FBXO21: variants seen among roughly 807,000 people sequenced by gnomAD.
FBXO21 encodes F-box protein 21, also known as F-box only protein 21.
A neutral mutation model predicts 76.6 loss-of-function variants in FBXO21; 32 were observed. The ratio of observed to expected loss-of-function variants is 0.42; its 90% CI spans 0.32 to 0.56. FBXO21 has a LOEUF of 0.56. Among genes scored for constraint, FBXO21 ranks in the 20% least tolerant of loss-of-function variants. The pLI, the probability that FBXO21 is intolerant of heterozygous loss-of-function variation, is 0.16. For synonymous variants in FBXO21, 328 were observed against 311.5 expected (o/e 1.05, Z -0.56); for missense variants, 586 against 797.3 (o/e 0.73, Z 3.19).
intron 10 of FBXO21, among the ~76,000 whole-genome samples, chr12:117,157,566 G>A (rs192826478): frequency 2.5e-4 from 38 of 152,278 alleles, no homozygotes; most frequent in South Asian, 1.2e-3. Context: ...GAAAAAACTC[G>A]TGTCTTACAA....
At chr12:117,179,400 C>T (rs1204324573) in intron 3 of FBXO21, among the ~76,000 whole-genome samples, 3 of 152,296 alleles carry the variant, frequency 2.0e-5, no homozygotes, top group East Asian at 1.9e-4. Context: ...CCTAAACAGG[C>T]GAGTCTGTTT....
intron 10 of FBXO21, among the ~76,000 whole-genome samples, chr12:117,157,338 C>T (rs1955928400): frequency 6.6e-6 from 1 of 152,170 alleles, no homozygotes; most frequent in South Asian, 2.1e-4. Context: ...CACAGTGAAA[C>T]ACTATTTGCC....
rs907248609 is a variant in FBXO21 at position 117,145,031 on chromosome 12, C to T, written c.*1056G>A. 1 of 150,338 alleles carries T rather than the reference C, an allele frequency of 6.7e-6. No individual in the cohort carries two copies. The allele number at this position is 150,338 out of a possible 1,614,324, so 9.3% of individuals were successfully genotyped here. A position where few individuals can be genotyped will look rare whatever the true frequency, so the allele number is the denominator to read the frequency against. ...GCCTTGAAGTGACTCTAAGGAATAACAAGAGGTGTGAAACCACTTTTTTTC... is the reference window on the plus strand; with the variant it reads ...GCCTTGAAGTGACTCTAAGGAATAATAAGAGGTGTGAAACCACTTTTTTTC... On this transcript the variant is annotated 3_prime_UTR_variant, in exon 12 of 12. Transcript: ENST00000622495.
Position 117,158,000 on chromosome 12 carries a change from G to A in FBXO21, c.1390C>T (p.Leu464=), listed in dbSNP as rs1312072116. 1.9e-6 allele frequency: 3 copies of A among 1,614,240 alleles called. No individual in the cohort carries two copies. The Admixed American group carries it at 5.0e-5, about 27-fold the overall frequency. The change falls in exon 10 of 12, where the codon CTG becomes TTG. Residue 464 remains leucine, a synonymous_variant. Transcript: ENST00000622495. Reference sequence around the variant, plus strand: ...ATGTGCTCTAGAGTGTGCTGCACCAGGTAGCCCACCGCCCCGTGCTGCCCC... The same window carrying A: ...ATGTGCTCTAGAGTGTGCTGCACCAAGTAGCCCACCGCCCCGTGCTGCCCC... The part of the protein sequence containing the change: ...DPGQHGAVGY[L]VQHTLEHIER...
At chr12:117,173,379 G>C (rs1380322476) in intron 6 of FBXO21, among the ~76,000 whole-genome samples, 1 of 152,204 alleles carries the variant, frequency 6.6e-6, no homozygotes, top group Non-Finnish European at 1.5e-5. Context: ...AGTTGGTCAA[G>C]CCCTGATTTA....
intron 3 of FBXO21, among the ~76,000 whole-genome samples, chr12:117,179,656 T>C (rs1956209352): frequency 1.3e-5 from 2 of 152,244 alleles, no homozygotes; most frequent in Non-Finnish European, 2.9e-5. Context: ...TAGAAGGTAG[T>C]GCATTCTCCC....
At chr12:117,187,691 A>C (rs2135890178) in intron 2 of FBXO21, among the ~76,000 whole-genome samples, 1 of 152,330 alleles carries the variant, frequency 6.6e-6, no homozygotes, top group South Asian at 2.1e-4. Flanking sequence ...ACAATCCATC[A>C]TTATTACACA....
At chr12:117,178,602 T>A (rs1314023294) in intron 3 of FBXO21, among the ~76,000 whole-genome samples, 1 of 151,990 alleles carries the variant, frequency 6.6e-6, no homozygotes, top group Non-Finnish European at 1.5e-5. Context: ...CCACTCCCCC[T>A]CAGTCCAGCC....
At chr12:117,185,953 A>T (rs1956278750) in intron 3 of FBXO21, among the ~76,000 whole-genome samples, 1 of 151,932 alleles carries the variant, frequency 6.6e-6, no homozygotes, top group African/African-American at 2.4e-5. Flanking sequence ...GCTCACTGCA[A>T]CCTCCACCTC....
At chr12:117,164,456 A>G (rs965735642) in intron 9 of FBXO21, among the ~76,000 whole-genome samples, 9 of 151,914 alleles carry the variant, frequency 5.9e-5, no homozygotes, top group African/African-American at 9.7e-5. Context: ...TTTGTACTTT[A>G]GTAGAGATGG....
At chr12:117,160,625 T>C (rs1291971443) in intron 9 of FBXO21, among the ~76,000 whole-genome samples, 1 of 152,186 alleles carries the variant, frequency 6.6e-6, no homozygotes, top group Non-Finnish European at 1.5e-5. Context: ...CTAATGAAGT[T>C]CTGCCACATT....
intron 6 of FBXO21, among the ~76,000 whole-genome samples, chr12:117,173,036 AT>A (rs1395205768): frequency 0.012 from 1,795 of 143,722 alleles, 7 homozygotes; most frequent in African/African-American, 0.017. Flanking sequence ...TGCTGAAATA[AT>A]TTTTTTTTTT....
intron 3 of FBXO21, among the ~76,000 whole-genome samples, chr12:117,181,013 T>C (rs1008646894): frequency 6.6e-6 from 1 of 152,238 alleles, no homozygotes; most frequent in Non-Finnish European, 1.5e-5. Context: ...TACTGACATG[T>C]CTTACAGACG....
chr12:117,158,174 A>G, intron 9 of FBXO21, 111 bp from the exon 10 acceptor site: 1 of 1,221,888 alleles, frequency 8.2e-7, no homozygotes, highest in South Asian at 1.3e-5. Context: ...AAAGGACCAA[A>G]AGGGGTGGCT....
chr12:117,163,504 G>C (rs143569602), intron 9 of FBXO21, among the ~76,000 whole-genome samples: 1 of 152,220 alleles, frequency 6.6e-6, no homozygotes, highest in Non-Finnish European at 1.5e-5. Context: ...CTGCACTCCA[G>C]CCTGGGCAAG....
intron 9 of FBXO21, 30 bp from the exon 10 acceptor site, chr12:117,158,093 T>C (rs1955937511): frequency 1.9e-6 from 3 of 1,612,982 alleles, no homozygotes; most frequent in Non-Finnish European, 2.5e-6. Context: ...GACTAAAAGA[T>C]AATATTTTCA....
chr12:117,161,661 T>G (rs1955978385), intron 9 of FBXO21, among the ~76,000 whole-genome samples: 1 of 151,982 alleles, frequency 6.6e-6, no homozygotes, highest in Non-Finnish European at 1.5e-5. Flanking sequence ...GTGTAGCAGG[T>G]GTGTGGATAT....
chr12:117,181,828 T>C (rs1956237592), intron 3 of FBXO21, among the ~76,000 whole-genome samples: 2 of 152,146 alleles, frequency 1.3e-5, no homozygotes, highest in Non-Finnish European at 1.5e-5. Context: ...TTTTTGTATT[T>C]TCAGTAGAGA....
At chr12:117,175,309 C>T (rs1308335622) in intron 4 of FBXO21, among the ~76,000 whole-genome samples, 4 of 152,166 alleles carry the variant, frequency 2.6e-5, no homozygotes, top group Admixed American at 6.5e-5. Flanking sequence ...TGGAGCTAAC[C>T]CCACTTTCCA....
Sources: allele counts gnomAD v4.1 joint callset (sites outside exome capture counted in the v4.1 genomes callset), GRCh38; gene constraint gnomAD v4.1.1; transcripts MANE v1.5; gene names NCBI Gene and HGNC (gene_info 2026-07-23, HGNC 2026-07-21).